Variants in LMNB1 observed in about 807,000 individuals in gnomAD.
The protein encoded by LMNB1 is lamin B1, also known as lamin-B1.
A neutral mutation model predicts 67.1 loss-of-function variants in LMNB1; 23 were observed. The ratio of observed to expected loss-of-function variants is 0.34; its 90% CI spans 0.25 to 0.49. The LOEUF (loss-of-function observed/expected upper bound fraction) is 0.49, where lower values mean the gene tolerates loss of function less well. Ranked by LOEUF, LMNB1 falls within the 20% of genes least tolerant of loss-of-function variation. The probability of loss-of-function intolerance (pLI) is 0.99; values close to 1 mark genes in which losing one functional copy is unlikely to be tolerated. For synonymous variants in LMNB1, 281 were observed against 282.9 expected, an observed-to-expected ratio of 0.99 and a Z score of 0.07; for missense variants, 634 against 746.5, an observed-to-expected ratio of 0.85 and a Z score of 1.76.
chr5:126,781,899 G>C (rs1227245042), intron 1 of LMNB1, among the ~76,000 whole-genome samples: 1 of 152,172 alleles, frequency 6.6e-6, no homozygotes, highest in African/African-American at 2.4e-5. Context: ...GCAGAGCATG[G>C]AAATGCTTGG....
At chr5:126,815,003 T>A (rs895414712) in intron 5 of LMNB1, among the ~76,000 whole-genome samples, 1 of 152,240 alleles carries the variant, frequency 6.6e-6, no homozygotes, top group Non-Finnish European at 1.5e-5. Flanking sequence ...TAGTTTTTAA[T>A]TTCTCTGGGG....
chr5:126,785,486 T>C (rs1315272347), intron 1 of LMNB1, among the ~76,000 whole-genome samples: 2 of 150,206 alleles, frequency 1.3e-5, no homozygotes, highest in East Asian at 1.9e-4. Context: ...TTTTCTTTTT[T>C]TTTTTTTGTA....
intron 5 of LMNB1, among the ~76,000 whole-genome samples, chr5:126,816,572 G>A (rs1044122318): frequency 6.6e-6 from 1 of 152,164 alleles, no homozygotes; most frequent in Non-Finnish European, 1.5e-5. Flanking sequence ...GTATATTACT[G>A]TGAACTCGTC....
intron 9 of LMNB1, among the ~76,000 whole-genome samples, chr5:126,830,904 T>A (rs1488422740): frequency 6.6e-6 from 1 of 152,236 alleles, no homozygotes; most frequent in Non-Finnish European, 1.5e-5. Context: ...GAATCACATT[T>A]TTTTTATTAC....
At position 126,819,015 on chromosome 5, in the gene LMNB1, G is replaced by C; in HGVS notation, c.1033G>C (p.Glu345Gln). The C allele has an allele frequency of 6.2e-7, 1 of 1,614,172 alleles. No homozygotes were observed. Among genetic ancestry groups the C allele is most frequent in the Non-Finnish European group, 8.5e-7 (1 of 1,179,996 alleles). The change falls in exon 6 of 11, where the codon GAG becomes CAG. Residue 345 changes from glutamate (E) to glutamine (Q), a missense_variant. Physicochemically the swap from Glu to Gln is conservative, Grantham distance 29. Transcript: ENST00000261366. ...TCGCATGCTGACAGACAAAGAGAGAGAGATGGCGGAAATAAGGGATCAAAT... is the reference window on the plus strand; with the variant it reads ...TCGCATGCTGACAGACAAAGAGAGACAGATGGCGGAAATAAGGGATCAAAT... The part of the protein sequence containing the change: ...SRRMLTDKER[E>Q]MAEIRDQMQQ...
chr5:126,796,985 C>T (rs377549582), intron 1 of LMNB1, among the ~76,000 whole-genome samples: 138 of 152,032 alleles, frequency 9.1e-4, no homozygotes, highest in Middle Eastern at 3.4e-3. Context: ...GATGGGGTTT[C>T]GCCATGTTGG....
rs779989576 is a variant in LMNB1 at position 126,821,081 on chromosome 5, C to T, written c.1332C>T (p.Ile444=). The change falls in exon 7 of 11, where the codon ATC becomes ATT. Residue 444 remains isoleucine, a synonymous_variant. Transcript: ENST00000261366. ...HSASATGNVC[I]EEIDVDGKFI... is the part of the protein sequence containing the mutation. ...CCTCAGCCACTGGAAATGTTTGCAT[C>T]GAAGAAATTGATGTTGATGGGAAAT... The T allele has an allele frequency of 4.1e-5, 66 of 1,613,760 alleles. No individual in the cohort carries two copies. Among genetic ancestry groups the T allele is most frequent in the Non-Finnish European group, 5.4e-5 (64 of 1,179,954 alleles).
Position 126,818,239 on chromosome 5 carries a change from C to CTT in LMNB1, c.940-667_940-666dup, listed in dbSNP as rs376846973. On this transcript the variant is annotated intron_variant, in intron 5 of 10. Transcript: ENST00000261366. ...TTATTTTGTCAGTCAGTGTTTATAT[C>CTT]TTTTTTTTTTTTTTTTTGAGACAGA... 6.9e-3 allele frequency among the ~76,000 whole-genome samples: 924 copies of CTT among 134,164 alleles called. 21 individuals carry two copies. The highest frequency in any genetic ancestry group is 0.016 in the African/African-American group (591 of 36,134). The allele number at this position is 134,164 out of a possible 152,430, so 88.0% of individuals were successfully genotyped here. A position where few individuals can be genotyped will look rare whatever the true frequency, so the allele number is the denominator to read the frequency against.
At chr5:126,795,021 C>T (rs1751051561) in intron 1 of LMNB1, among the ~76,000 whole-genome samples, 1 of 151,910 alleles carries the variant, frequency 6.6e-6, no homozygotes, top group African/African-American at 2.4e-5. Context: ...TTTGTCCCTG[C>T]AAGTTTACTT....
At chr5:126,803,169 G>GT (rs1751330608) in intron 1 of LMNB1, among the ~76,000 whole-genome samples, 1 of 145,748 alleles carries the variant, frequency 6.9e-6, no homozygotes, top group Non-Finnish European at 1.5e-5. Flanking sequence ...CTAGGTGATG[G>GT]TGAGATGCCA....
intron 10 of LMNB1, among the ~76,000 whole-genome samples, chr5:126,834,730 G>T (rs958168897): frequency 2.0e-5 from 3 of 152,122 alleles, no homozygotes; most frequent in African/African-American, 7.2e-5. Context: ...CAAAAAATTA[G>T]CCGGGCGTGG....
intron 3 of LMNB1, among the ~76,000 whole-genome samples, chr5:126,807,399 A>G (rs1351918645): frequency 1.3e-5 from 2 of 152,256 alleles, no homozygotes; most frequent in Non-Finnish European, 2.9e-5. Context: ...TTTAAACAAA[A>G]TAGATATTAG....
At chr5:126,806,817 G>A (rs527620264) in intron 3 of LMNB1, among the ~76,000 whole-genome samples, 1 of 151,242 alleles carries the variant, frequency 6.6e-6, no homozygotes, top group Admixed American at 6.6e-5. Context: ...CCGCTCTGTC[G>A]CCCAGGCTGG....
At chr5:126,820,786 A>G (rs1751847323) in intron 6 of LMNB1, 124 bp from the exon 7 acceptor site, 1 of 717,594 alleles carries the variant, frequency 1.4e-6, no homozygotes, top group Non-Finnish European at 2.3e-6. Flanking sequence ...TTGGCCTCCC[A>G]AAGTGCTGTT....
intron 9 of LMNB1, among the ~76,000 whole-genome samples, 183 bp downstream of exon 9, chr5:126,826,290 C>T (rs989355692): frequency 6.6e-6 from 1 of 152,230 alleles, no homozygotes; most frequent in African/African-American, 2.4e-5. Context: ...TTATAGAGTA[C>T]TGATTATTAG....
intron 1 of LMNB1, among the ~76,000 whole-genome samples, chr5:126,798,134 A>AAAC (rs1751155205): frequency 6.8e-6 from 1 of 148,094 alleles, no homozygotes; most frequent in African/African-American, 2.5e-5. Flanking sequence ...AGACCGTCTC[A>AAAC]AAACAAACAA....
chr5:126,778,328 A>G (rs1750530455), intron 1 of LMNB1, among the ~76,000 whole-genome samples: 1 of 151,928 alleles, frequency 6.6e-6, no homozygotes, highest in African/African-American at 2.4e-5. Flanking sequence ...GCGGCCGGGG[A>G]GGACTGGCAG....
intron 1 of LMNB1, 125 bp from the exon 2 acceptor site, chr5:126,804,651 A>G: frequency 1.3e-6 from 1 of 773,866 alleles, no homozygotes; most frequent in South Asian, 2.2e-5. Flanking sequence ...TTGCTTCTCT[A>G]ATTTTGATAG....
chr5:126,803,121 G>A (rs1441082465), intron 1 of LMNB1, among the ~76,000 whole-genome samples: 3 of 150,930 alleles, frequency 2.0e-5, no homozygotes, highest in African/African-American at 7.3e-5. Context: ...AGGAGGCAGA[G>A]GTTGCAATGA....
Sources: gnomAD v4.1 joint callset for allele counts (sites outside exome capture counted in the v4.1 genomes callset) on GRCh38, gnomAD v4.1.1 for gene constraint, MANE v1.5 for transcripts, NCBI Gene and HGNC (gene_info 2026-07-23, HGNC 2026-07-21) for gene names.